Variants in DCHS2 observed in about 807,000 individuals in gnomAD.
The protein encoded by DCHS2 is dachsous cadherin-related 2.
DCHS2 carries 142 observed loss-of-function variants against 182.4 expected under a neutral mutation model. That is an observed-to-expected ratio of 0.78 (90% CI 0.68 to 0.89). The LOEUF (loss-of-function observed/expected upper bound fraction) is 0.89. Among genes scored for constraint, DCHS2 ranks in the 40% least tolerant of loss-of-function variants. The probability of loss-of-function intolerance (pLI) is 0.00; values close to 1 mark genes in which losing one functional copy is unlikely to be tolerated. For synonymous variants in DCHS2, 1,740 were observed against 1,663.3 expected, an observed-to-expected ratio of 1.05 and a Z score of -1.12; for missense variants, 4,319 against 4,198.6, an observed-to-expected ratio of 1.03 and a Z score of -0.79.
chr4:154,428,070 G>A (rs1733404539), intron 1 of DCHS2, among the ~76,000 whole-genome samples: 1 of 152,146 alleles, frequency 6.6e-6, no homozygotes, highest in Admixed American at 6.6e-5. Flanking sequence ...ATTGAATAGT[G>A]AAGAGCAAGA....
At position 154,297,914 on chromosome 4, in the gene DCHS2, C is replaced by A. The variant is rs1250099483; in HGVS notation, c.6400G>T (p.Asp2134Tyr). The change falls in exon 13 of 20, where the codon GAT (aspartate) becomes TAT (tyrosine). Residue 2134 changes from aspartate (D) to tyrosine (Y), a missense_variant. Transcript: ENST00000357232. ...TGGTGGCTGAAGGAAATCTTTACAT[C>A]TTCTCCTTCCATGTGAATGACCAAG... ...GLLVIHMEGE[D>Y]VKISFSHHLY... 7 of 1,614,114 alleles carry A rather than the reference C, an allele frequency of 4.3e-6. No homozygotes were observed. The South Asian group carries it at 6.6e-5, about 15-fold the overall frequency.
intron 1 of DCHS2, among the ~76,000 whole-genome samples, chr4:154,396,882 A>G (rs931045122): frequency 6.6e-5 from 10 of 152,152 alleles, no homozygotes; most frequent in African/African-American, 2.2e-4. Flanking sequence ...TCTCAGCGCT[A>G]CTTCTCTGTA....
At position 154,489,335 on chromosome 4, in the gene DCHS2, T is replaced by A; in HGVS notation, c.2021A>T (p.Glu674Val). The change falls in exon 1 of 20, where the codon GAG becomes GTG. Residue 674 changes from glutamate to valine, a missense_variant. By Grantham distance (121) the Glu-to-Val change is moderately radical (BLOSUM62 -2). Coordinates refer to ENST00000357232, the MANE Select transcript of DCHS2 (RefSeq NM_001358235.2). ...AAAGCAGTGTCCAACCGGGGCATGCTCTGCAATGGTGGCATTGTACACCTG... is the reference window on the plus strand; with the variant it reads ...AAAGCAGTGTCCAACCGGGGCATGCACTGCAATGGTGGCATTGTACACCTG... ...WRQVYNATIA[E>V]HAPVGHCFLQ... The A allele has an allele frequency of 1.3e-6, 2 of 1,538,012 alleles. No homozygotes were observed. Among genetic ancestry groups the A allele is most frequent in the East Asian group, 4.9e-5 (2 of 40,568 alleles).
chr4:154,377,591 G>A (rs372835486), intron 1 of DCHS2, 147 bp from the exon 2 acceptor site: 15 of 597,020 alleles, frequency 2.5e-5, no homozygotes, highest in Middle Eastern at 4.4e-4. Context: ...CTCTCTCCTC[G>A]CTTACCTTCT....
chr4:154,245,816 A>AGT (rs1388356241), intron 16 of DCHS2, among the ~76,000 whole-genome samples: 1 of 152,176 alleles, frequency 6.6e-6, no homozygotes, highest in Non-Finnish European at 1.5e-5. Context: ...TTTGCAGATG[A>AGT]GTGGGCCAAA....
At position 154,320,368 on chromosome 4, in the gene DCHS2, G is replaced by A. The variant is rs1231029394; in HGVS notation, c.5020+11C>T. ...AAAATATTTTTAAAAGTGACATATAGGGCACTGTACCTGATGACTCATCTA... is the reference window on the plus strand; with the variant it reads ...AAAATATTTTTAAAAGTGACATATAAGGCACTGTACCTGATGACTCATCTA... On this transcript the variant is annotated intron_variant, in intron 9 of 19. Transcript: ENST00000357232. The A allele has an allele frequency of 1.2e-6, 2 of 1,606,412 alleles. No homozygotes were observed. Among genetic ancestry groups the A allele is most frequent in the East Asian group, 2.2e-5 (1 of 44,774 alleles).
chr4:154,397,082 G>T (rs1731961322), intron 1 of DCHS2, among the ~76,000 whole-genome samples: 1 of 152,204 alleles, frequency 6.6e-6, no homozygotes, highest in South Asian at 2.1e-4. Flanking sequence ...CATGTGGAGT[G>T]CAGGAAGCAC....
intron 1 of DCHS2, among the ~76,000 whole-genome samples, chr4:154,478,445 T>C (rs943265082): frequency 6.6e-6 from 1 of 152,172 alleles, no homozygotes; most frequent in Non-Finnish European, 1.5e-5. Flanking sequence ...GGGTCCAAAA[T>C]GGAAGAATGG....
chr4:154,248,479 T>G (rs923605573), intron 16 of DCHS2, among the ~76,000 whole-genome samples: 1 of 151,880 alleles, frequency 6.6e-6, no homozygotes, highest in African/African-American at 2.4e-5. Context: ...GGTTGCTGAC[T>G]TTCATCTACA....
chr4:154,437,460 C>A (rs1218670801), intron 1 of DCHS2, among the ~76,000 whole-genome samples: 2 of 152,148 alleles, frequency 1.3e-5, no homozygotes, highest in African/African-American at 4.8e-5. Flanking sequence ...AGAGAGAACT[C>A]CCTAGATTAC....
chr4:154,403,525 C>T (rs1016432483), intron 1 of DCHS2, among the ~76,000 whole-genome samples: 1 of 152,056 alleles, frequency 6.6e-6, no homozygotes, highest in African/African-American at 2.4e-5. Context: ...CCTTTTCATA[C>T]ATGATTGGAT....
In DCHS2 at chr4:154,234,469, G is replaced by T; in HGVS notation, c.*67C>A. ...AAAATGAGCCCAATCTCGAGTTGCT[G>T]GCTTGAAAACATTTTGTTCATTCAT... On this transcript the variant is annotated 3_prime_UTR_variant, in exon 20 of 20. Transcript: ENST00000357232. The T allele has an allele frequency of 6.9e-7, 1 of 1,449,682 alleles. No homozygotes were observed. The highest frequency in any genetic ancestry group is 9.1e-7 in the Non-Finnish European group (1 of 1,098,466). The allele number at this position is 1,449,682 out of a possible 1,614,324, so 89.8% of individuals were successfully genotyped here. A position where few individuals can be genotyped will look rare whatever the true frequency, so the allele number is the denominator to read the frequency against.
Position 154,417,204 on chromosome 4 carries a change from T to TGAGAGAGAGAGAGAGAGAGAGAGA in DCHS2, c.2053-39784_2053-39761dup, listed in dbSNP as rs70947163. On this transcript the variant is annotated intron_variant, in intron 1 of 19. Coordinates refer to ENST00000357232, the MANE Select transcript of DCHS2 (RefSeq NM_001358235.2). Reference sequence around the variant, plus strand: ...GTGTGTGTGTGTGTGTGTGTGTGTGTGAGAGAGAGAGAGAGAGAGAGAGAG... The same window carrying TGAGAGAGAGAGAGAGAGAGAGAGA: ...GTGTGTGTGTGTGTGTGTGTGTGTGTGAGAGAGAGAGAGAGAGAGAGAGAGAGAGAGAGAGAGAGAGAGAGAGAG... 2.0e-4 allele frequency among the ~76,000 whole-genome samples: 8 copies of TGAGAGAGAGAGAGAGAGAGAGAGA among 39,516 alleles called. 1 individual carries two copies. The East Asian group carries it at 5.0e-3, about 25-fold the overall frequency. 25.9% of individuals were successfully genotyped at this position (39,516 alleles called of 152,430 possible).
In DCHS2 at chr4:154,328,295, C is replaced by G. The variant is rs1388740584; in HGVS notation, c.3919-103G>C. On this transcript the variant is annotated intron_variant, in intron 6 of 19. Transcript: ENST00000357232. The stretch of plus-strand genomic sequence containing the variant: ...AATACATTATACTAAACATTTTAAA[C>G]TATCTTAAAATCCACATATAATTCA... The G allele has an allele frequency of 6.6e-6, 5 of 757,622 alleles. No homozygotes were observed. In the Admixed American group the frequency reaches 8.7e-5, roughly 13 times the overall value. 46.9% of individuals were successfully genotyped at this position (757,622 alleles called of 1,614,324 possible). A position where few individuals can be genotyped will look rare whatever the true frequency, so the allele number is the denominator to read the frequency against.
intron 1 of DCHS2, among the ~76,000 whole-genome samples, chr4:154,412,773 G>A (rs72968067): frequency 0.021 from 3,250 of 152,234 alleles, 79 homozygotes; most frequent in African/African-American, 0.058. Flanking sequence ...TCACATAAGT[G>A]TTTGTATTAT....
intron 12 of DCHS2, among the ~76,000 whole-genome samples, chr4:154,304,272 C>T (rs1258234736): frequency 2.6e-5 from 4 of 152,004 alleles, no homozygotes; most frequent in Non-Finnish European, 5.9e-5. Flanking sequence ...ATCCTTACAT[C>T]CACTAATGTT....
chr4:154,307,941 G>C (rs142301322), intron 10 of DCHS2, among the ~76,000 whole-genome samples: 1 of 152,200 alleles, frequency 6.6e-6, no homozygotes, highest in East Asian at 1.9e-4. Flanking sequence ...CTTACTCCCT[G>C]TCTCAATGGC....
At chr4:154,471,546 T>C (rs1299001009) in intron 1 of DCHS2, among the ~76,000 whole-genome samples, 4 of 152,110 alleles carry the variant, frequency 2.6e-5, no homozygotes, top group Non-Finnish European at 5.9e-5. Context: ...TCACAGATGA[T>C]TTTTACTTTT....
Position 154,361,561 on chromosome 4 carries a change from C to T in DCHS2, c.2476+4649G>A, listed in dbSNP as rs1730123318. On this transcript the variant is annotated intron_variant, in intron 3 of 19. Coordinates refer to ENST00000357232, the MANE Select transcript of DCHS2 (RefSeq NM_001358235.2). ...TAAAACTCAAAACAGTGTGGTCTGC[C>T]TTGTGCCCACATCAAAGAAAGCCAG... is the stretch of plus-strand genomic sequence containing the variant. Among the ~76,000 whole-genome samples, 3 of 152,002 alleles carry T rather than the reference C, an allele frequency of 2.0e-5. 1 individual carries two copies. In the South Asian group the frequency reaches 6.2e-4, roughly 32 times the overall value.
Sources: allele counts gnomAD v4.1 joint callset (sites outside exome capture counted in the v4.1 genomes callset), GRCh38; gene constraint gnomAD v4.1.1; transcripts MANE v1.5; gene names NCBI Gene and HGNC (gene_info 2026-07-23, HGNC 2026-07-21).